Variants in RBM46 observed in about 807,000 individuals in gnomAD.
The protein encoded by RBM46 is RNA binding motif protein 46, also known as probable RNA-binding protein 46.
Under a neutral mutation model 43.3 loss-of-function variants are expected in RBM46, and 12 were observed. That is an observed-to-expected ratio of 0.28 (90% CI 0.18 to 0.45). The LOEUF (loss-of-function observed/expected upper bound fraction) is 0.45. Among genes scored for constraint, RBM46 ranks in the 20% least tolerant of loss-of-function variants. The pLI is 1.00. For missense variants in RBM46, 412 were observed against 639.1 expected (o/e 0.64, Z 3.83); for synonymous variants, 205 against 207.6 (o/e 0.99, Z 0.11).
chr4:154,807,750 T>C (rs188042521), intron 4 of RBM46, among the ~76,000 whole-genome samples: 119 of 152,026 alleles, frequency 7.8e-4, no homozygotes, highest in African/African-American at 2.7e-3. Context: ...AAAACCTTAG[T>C]ATCCCCAAAT....
At position 154,798,135 on chromosome 4, in the gene RBM46, A is replaced by C. The variant is rs199571046; in HGVS notation, c.476A>C (p.Asp159Ala). Residue 159 changes from aspartate (D) to alanine (A), a missense_variant, in exon 3 of 5, where the codon GAT becomes GCT. Physicochemically the swap from Asp to Ala is moderately radical, Grantham distance 126. Transcript: ENST00000281722. ...GAAAAGAAGAAAGAAGAAATTTTAG[A>C]TGAAATGAAGAAAGTTACAGAAGGA... Reference protein sequence around the residue: ...PKEKKKEEILDEMKKVTEGVV... With the variant: ...PKEKKKEEILAEMKKVTEGVV... 1 of 1,613,874 alleles carries C rather than the reference A, an allele frequency of 6.2e-7. No homozygotes were observed. The highest frequency in any genetic ancestry group is 8.5e-7 in the Non-Finnish European group (1 of 1,179,832).
intron 4 of RBM46, among the ~76,000 whole-genome samples, chr4:154,801,248 T>G (rs1421470194): frequency 1.3e-5 from 2 of 152,050 alleles, no homozygotes; most frequent in Non-Finnish European, 2.9e-5. Flanking sequence ...CAAAGTATAT[T>G]ACAAATATTT....
At chr4:154,788,455 A>G (rs1347903538) in intron 1 of RBM46, among the ~76,000 whole-genome samples, 1 of 152,110 alleles carries the variant, frequency 6.6e-6, no homozygotes, top group South Asian at 2.1e-4. Flanking sequence ...TCGTTTCCCC[A>G]TTTCTTGTTT....
intron 4 of RBM46, among the ~76,000 whole-genome samples, chr4:154,819,538 T>C (rs1198245709): frequency 6.6e-6 from 1 of 152,164 alleles, no homozygotes; most frequent in Non-Finnish European, 1.5e-5. Flanking sequence ...GAAACAAATG[T>C]TTTTGTTTTT....
At chr4:154,799,599 T>C (rs772727950) in intron 4 of RBM46, 35 bp downstream of exon 4, 6 of 1,363,324 alleles carry the variant, frequency 4.4e-6, no homozygotes, top group African/African-American at 1.5e-5. Flanking sequence ...ATGTATAATA[T>C]GAAATTAGGA....
intron 4 of RBM46, among the ~76,000 whole-genome samples, chr4:154,819,133 G>A (rs181479909): frequency 6.6e-4 from 100 of 152,176 alleles, no homozygotes; most frequent in African/African-American, 2.3e-3. Flanking sequence ...GAAAAATTGT[G>A]GAGACAATTT....
intron 1 of RBM46, among the ~76,000 whole-genome samples, chr4:154,789,647 T>G (rs1733975646): frequency 6.6e-6 from 1 of 152,182 alleles, no homozygotes; most frequent in Admixed American, 6.5e-5. Flanking sequence ...TTTTTTGTTG[T>G]GTCTCTGCCA....
chr4:154,814,481 G>A (rs1735330366), intron 4 of RBM46, among the ~76,000 whole-genome samples: 1 of 151,982 alleles, frequency 6.6e-6, no homozygotes, highest in Non-Finnish European at 1.5e-5. Flanking sequence ...TGCTTTTGTT[G>A]TGAGAATGAT....
At chr4:154,820,288 G>T in intron 4 of RBM46, 2 of 904,572 alleles carry the variant, frequency 2.2e-6, no homozygotes, top group Non-Finnish European at 3.2e-6. Context: ...AAGTTACCAA[G>T]GATTCCATGC....
chr4:154,820,016 C>T (rs1437367771), intron 4 of RBM46, among the ~76,000 whole-genome samples: 1 of 151,986 alleles, frequency 6.6e-6, no homozygotes, highest in Non-Finnish European at 1.5e-5. Flanking sequence ...TGGCTTTCTG[C>T]TTATCAGAAA....
chr4:154,814,977 C>T (rs1366534614), intron 4 of RBM46, among the ~76,000 whole-genome samples: 1 of 151,808 alleles, frequency 6.6e-6, no homozygotes, highest in Non-Finnish European at 1.5e-5. Context: ...ACATAAAATA[C>T]CAACACTCCA....
chr4:154,802,221 G>A (rs574689206), intron 4 of RBM46, among the ~76,000 whole-genome samples: 6 of 152,282 alleles, frequency 3.9e-5, no homozygotes, highest in Non-Finnish European at 7.4e-5. Context: ...GTTAGAGGCA[G>A]GAAAATATAT....
chr4:154,790,111 C>A (rs1467602711), intron 1 of RBM46, among the ~76,000 whole-genome samples: 2 of 152,032 alleles, frequency 1.3e-5, no homozygotes, highest in African/African-American at 4.8e-5. Flanking sequence ...TTGATCTTTT[C>A]AAAAAACCAG....
chr4:154,793,330 T>A (rs1302846753), intron 1 of RBM46, among the ~76,000 whole-genome samples: 1 of 152,238 alleles, frequency 6.6e-6, no homozygotes, highest in African/African-American at 2.4e-5. Context: ...AACATTCTTA[T>A]GCTTATATCT....
chr4:154,783,719 T>C (rs1172507741), intron 1 of RBM46, among the ~76,000 whole-genome samples: 1 of 152,214 alleles, frequency 6.6e-6, no homozygotes, highest in Non-Finnish European at 1.5e-5. Context: ...TTTTTTTAAA[T>C]AGTTCAATTT....
chr4:154,784,132 A>G (rs147334776), intron 1 of RBM46, among the ~76,000 whole-genome samples: 2 of 152,346 alleles, frequency 1.3e-5, no homozygotes, highest in East Asian at 3.9e-4. Flanking sequence ...ATGTGCCCCT[A>G]TAAAGGCACG....
intron 4 of RBM46, among the ~76,000 whole-genome samples, chr4:154,817,597 G>T (rs1735516371): frequency 6.6e-6 from 1 of 152,046 alleles, no homozygotes; most frequent in Non-Finnish European, 1.5e-5. Context: ...CTCCCAAAGT[G>T]CTGGGATTAC....
At chr4:154,825,025 A>G (rs748885144) in intron 4 of RBM46, among the ~76,000 whole-genome samples, 11 of 152,210 alleles carry the variant, frequency 7.2e-5, no homozygotes, top group South Asian at 4.1e-4. Flanking sequence ...ATTTTATATA[A>G]ATTGTATATC....
At chr4:154,815,937 C>T (rs1019003276) in intron 4 of RBM46, among the ~76,000 whole-genome samples, 8 of 152,060 alleles carry the variant, frequency 5.3e-5, no homozygotes, top group Admixed American at 2.0e-4. Flanking sequence ...GAGTCCGCCC[C>T]GCTCATATGA....
Sources: gnomAD v4.1 joint callset for allele counts (sites outside exome capture counted in the v4.1 genomes callset) on GRCh38, gnomAD v4.1.1 for gene constraint, MANE v1.5 for transcripts, NCBI Gene and HGNC (gene_info 2026-07-23, HGNC 2026-07-21) for gene names.